The following DAB2IP variants were observed in gnomAD, a reference collection of about 807,000 sequenced individuals.
DAB2IP encodes DAB2 interacting protein.
Under a neutral mutation model 107.2 loss-of-function variants are expected in DAB2IP, and 28 were observed. The ratio of observed to expected loss-of-function variants is 0.26; its 90% CI spans 0.19 to 0.36. The LOEUF is 0.36. Among genes scored for constraint, DAB2IP ranks in the 10% least tolerant of loss-of-function variants. The pLI, the probability that DAB2IP is intolerant of heterozygous loss-of-function variation, is 1.00. For missense variants in DAB2IP, 1,400 were observed against 1,644.7 expected, an observed-to-expected ratio of 0.85 and a Z score of 2.57; for synonymous variants, 755 against 706.4, an observed-to-expected ratio of 1.07 and a Z score of -1.09.
chr9:121,766,629 GC>G lies in DAB2IP; in HGVS notation c.1599del (p.Ser534HisfsTer44). On this transcript the variant is annotated frameshift_variant, in exon 9 of 16. Coordinates refer to ENST00000408936, the Ensembl canonical transcript of DAB2IP. LOFTEE classifies it high-confidence loss of function. ...GCTTCCTCTGCCCAGCCATCATGTC[GC>G]CCTCACTCTTCAACCTGCTGCAGGA... is the stretch of plus-strand genomic sequence containing the variant. The G allele has an allele frequency of 6.2e-7, 1 of 1,614,076 alleles. No individual in the cohort carries two copies. Among genetic ancestry groups the G allele is most frequent in the Non-Finnish European group, 8.5e-7 (1 of 1,180,024 alleles).
At chr9:121,616,181 C>T (rs963811152) in intron 1 of DAB2IP, among the ~76,000 whole-genome samples, 5 of 152,166 alleles carry the variant, frequency 3.3e-5, no homozygotes, top group Non-Finnish European at 5.9e-5. Flanking sequence ...ATGTGGTTGC[C>T]TCCTGCAGGA....
At chr9:121,577,125 A>G (rs113944980) in intron 1 of DAB2IP, among the ~76,000 whole-genome samples, 86 of 151,960 alleles carry the variant, frequency 5.7e-4, no homozygotes, top group African/African-American at 1.8e-3. Context: ...TGTCTTGTAG[A>G]CTCCGCATCG....
At chr9:121,627,132 C>T (rs1043683892) in intron 1 of DAB2IP, among the ~76,000 whole-genome samples, 1 of 53,212 alleles carries the variant, frequency 1.9e-5, no homozygotes, top group Non-Finnish European at 4.3e-5. Flanking sequence ...CACACACACA[C>T]ACACACACTC....
At chr9:121,614,337 C>CTTTTTTTTTTTTTTT (rs35959966) in intron 1 of DAB2IP, among the ~76,000 whole-genome samples, 1 of 102,744 alleles carries the variant, frequency 9.7e-6, no homozygotes, top group Non-Finnish European at 1.8e-5. Context: ...TCTTTCTTTT[C>CTTTTTTTTTTTTTTT]TTTTTTTTTT....
At chr9:121,759,344 C>T (rs1053923053) in intron 5 of DAB2IP, among the ~76,000 whole-genome samples, 2 of 152,166 alleles carry the variant, frequency 1.3e-5, no homozygotes, top group African/African-American at 4.8e-5. Flanking sequence ...TCTGCCCCTC[C>T]TCCAGGTGAG....
In DAB2IP at chr9:121,782,188, C is replaced by A; in HGVS notation, c.3403-143C>A. 1 of 1,373,672 alleles carries A rather than the reference C, an allele frequency of 7.3e-7. No individual in the cohort carries two copies. The highest frequency in any genetic ancestry group is 9.7e-7 in the Non-Finnish European group (1 of 1,031,314). The allele number at this position is 1,373,672 out of a possible 1,614,324, so 85.1% of individuals were successfully genotyped here. On this transcript the variant is annotated intron_variant, in intron 15 of 15. Coordinates refer to ENST00000408936, the Ensembl canonical transcript of DAB2IP. The surrounding 1 kb of genome is among the most constrained non-coding windows in gnomAD (Gnocchi z 6.1). ...TGATGCTGCAGAGGCCTCTGCCTAC[C>A]TTCTCTTGCCAGCTGCTCACAGCCC...
chr9:121,718,037 A>G (rs886087683), intron 3 of DAB2IP, among the ~76,000 whole-genome samples: 2 of 151,450 alleles, frequency 1.3e-5, no homozygotes, highest in Non-Finnish European at 2.9e-5. Flanking sequence ...TTATGTGTCG[A>G]GGTTTCAGAA....
intron 1 of DAB2IP, among the ~76,000 whole-genome samples, chr9:121,639,262 G>A (rs1017264992): frequency 7.2e-5 from 11 of 152,176 alleles, no homozygotes; most frequent in Non-Finnish European, 1.6e-4. Flanking sequence ...TGCCCTCTCT[G>A]AGCTTTGCTT....
intron 1 of DAB2IP, among the ~76,000 whole-genome samples, chr9:121,659,048 T>A (rs1221666134): frequency 6.6e-6 from 1 of 152,172 alleles, no homozygotes; most frequent in Non-Finnish European, 1.5e-5. Flanking sequence ...TGTGCCGACA[T>A]AGTTGTGAAA....
intron 1 of DAB2IP, among the ~76,000 whole-genome samples, chr9:121,668,312 A>G (rs1411269338): frequency 1.3e-5 from 2 of 150,474 alleles, no homozygotes; most frequent in Non-Finnish European, 3.0e-5. Flanking sequence ...ATCTCCACTC[A>G]CTGCAACCTC....
chr9:121,583,891 C>T (rs764980411), intron 1 of DAB2IP, among the ~76,000 whole-genome samples: 23 of 152,114 alleles, frequency 1.5e-4, no homozygotes, highest in Admixed American at 6.5e-4. Context: ...AGAATACAAA[C>T]ATTGACGTCA....
intron 3 of DAB2IP, among the ~76,000 whole-genome samples, chr9:121,752,472 T>C (rs2118939259): frequency 6.6e-6 from 1 of 152,332 alleles, no homozygotes; most frequent in South Asian, 2.1e-4. Context: ...GAGCCAGTTC[T>C]GTGACAGACC....
intron 1 of DAB2IP, among the ~76,000 whole-genome samples, chr9:121,641,892 C>CCTTTCTTT (rs71370681): frequency 0.083 from 7,373 of 89,012 alleles, 434 homozygotes; most frequent in East Asian, 0.13. Context: ...CATTTCTTTC[C>CCTTTCTTT]CTTTCTTTCT....
chr9:121,651,799 GA>G lies in DAB2IP; in HGVS notation c.26del (p.Lys9ArgfsTer13), dbSNP rs1226314761. Reference sequence around the variant, plus strand: ...GCATGTCCGCGGGCGGCAGCGCCAGGAAGAGCACCGGGAGGTCCTCCTACTA... The same window carrying G: ...GCATGTCCGCGGGCGGCAGCGCCAGGAGAGCACCGGGAGGTCCTCCTACTA... On this transcript the variant is annotated frameshift_variant, in exon 1 of 16. Transcript: ENST00000408936. LOFTEE classifies it high-confidence loss of function. This position sits in a 1 kb window ranked among gnomAD's most constrained non-coding sequence, Gnocchi z 5.1. The G allele has an allele frequency of 1.0e-5, 15 of 1,440,052 alleles. No homozygotes were observed. The highest frequency in any genetic ancestry group is 1.4e-5 in the Non-Finnish European group (15 of 1,091,926). 89.2% of individuals were successfully genotyped at this position (1,440,052 alleles called of 1,614,324 possible).
chr9:121,598,500 G>C (rs922532449), intron 1 of DAB2IP: 4 of 152,144 alleles, frequency 2.6e-5, no homozygotes, highest in Non-Finnish European at 5.9e-5. Context: ...CCCGCTGGCC[G>C]AGGCACTGCC....
intron 1 of DAB2IP, among the ~76,000 whole-genome samples, chr9:121,665,186 G>T (rs1833367200): frequency 6.6e-6 from 1 of 152,148 alleles, no homozygotes. Flanking sequence ...TAGCCATGTT[G>T]TTCTAATTTA....
intron 2 of DAB2IP, among the ~76,000 whole-genome samples, chr9:121,689,764 C>A (rs367769922): frequency 1.8e-4 from 27 of 152,226 alleles, no homozygotes; most frequent in Admixed American, 1.3e-4. Flanking sequence ...ACTCCCCCCC[C>A]ATGTGTTGTC....
rs1478715916 is a variant in DAB2IP, at chr9:121,699,564, G to T, written c.362+106G>T. 4.8e-6 allele frequency: 5 copies of T among 1,037,316 alleles called. No homozygotes were observed. The African/African-American group carries it at 5.1e-5, about 11-fold the overall frequency. 64.3% of individuals were successfully genotyped at this position (1,037,316 alleles called of 1,614,324 possible). On this transcript the variant is annotated intron_variant, in intron 3 of 15. Coordinates refer to ENST00000408936, the Ensembl canonical transcript of DAB2IP. The surrounding 1 kb of genome is among the most constrained non-coding windows in gnomAD (Gnocchi z 6.2). ...CCGGCCCGGGGCGAGCCACACGGCGGTGGGGGGACCCCACGCCGCCCGCCG... is the reference window on the plus strand; with the variant it reads ...CCGGCCCGGGGCGAGCCACACGGCGTTGGGGGGACCCCACGCCGCCCGCCG...
At chr9:121,734,810 A>G (rs929471385) in intron 3 of DAB2IP, among the ~76,000 whole-genome samples, 2 of 152,354 alleles carry the variant, frequency 1.3e-5, no homozygotes, top group African/African-American at 2.4e-5. Context: ...AGTTGGGTCA[A>G]CTTGAGCAAA....
Sources: gnomAD v4.1 joint callset for allele counts (sites outside exome capture counted in the v4.1 genomes callset) on GRCh38, gnomAD v4.1.1 for gene constraint, Gnocchi (gnomAD v3.1) non-coding constraint, MANE v1.5 for transcripts, NCBI Gene and HGNC (gene_info 2026-07-23, HGNC 2026-07-21) for gene names.